Variants in MYBPC2 observed in about 807,000 individuals in gnomAD.
MYBPC2 encodes myosin-binding protein C, fast-type.
MYBPC2 carries 122 observed loss-of-function variants against 137.0 expected under a neutral mutation model. That is an observed-to-expected ratio of 0.89 (90% CI 0.77 to 1.03). The LOEUF (loss-of-function observed/expected upper bound fraction) is 1.03, where lower values mean the gene tolerates loss of function less well. Ranked by LOEUF, MYBPC2 falls within the 50% of genes least tolerant of loss-of-function variation. The probability of loss-of-function intolerance (pLI) is 0.00; values close to 1 mark genes in which losing one functional copy is unlikely to be tolerated. For synonymous variants in MYBPC2, 626 were observed against 612.3 expected (o/e 1.02, Z -0.33); for missense variants, 1,500 against 1,534.4 (o/e 0.98, Z 0.37).
intron 24 of MYBPC2, among the ~76,000 whole-genome samples, chr19:50,460,408 C>A (rs537905930): frequency 1.1e-4 from 16 of 152,118 alleles, no homozygotes; most frequent in Non-Finnish European, 2.2e-4. Context: ...CGTTTTAAAG[C>A]GAACAATTCA....
rs541836637 is a variant in MYBPC2 at position 50,440,461 on chromosome 19, C to T, written c.573-419C>T. ...GGTGGATCACTTAAGGTCAGGAATT[C>T]GAGACCAGCCTGTCCAACATGGCAA... On this transcript the variant is annotated intron_variant, in intron 7 of 27. Transcript: ENST00000357701. Among the ~76,000 whole-genome samples the T allele has an allele frequency of 1.8e-3, 277 of 151,770 alleles. 1 individual carries two copies. Among genetic ancestry groups the T allele is most frequent in the African/African-American group, 6.4e-3 (267 of 41,430 alleles).
At chr19:50,446,116 G>A (rs1180267358) in intron 12 of MYBPC2, 64 bp downstream of exon 12, 3 of 1,532,266 alleles carry the variant, frequency 2.0e-6, no homozygotes, top group South Asian at 1.2e-5. Flanking sequence ...GCTTGAGGTT[G>A]CTCAGGCCCC....
In MYBPC2 at chr19:50,455,571, C is replaced by T; in HGVS notation, c.2265C>T (p.Leu755=). 7 of 1,614,006 alleles carry T rather than the reference C, an allele frequency of 4.3e-6. No homozygotes were observed. The highest frequency in any genetic ancestry group is 5.9e-6 in the Non-Finnish European group (7 of 1,179,892). The change falls in exon 20 of 28, where the codon CTC becomes CTT. Residue 755 remains leucine (L), a synonymous_variant. Transcript: ENST00000357701. ...VEDVTDTTTT[L]KWRPPNRIGA... is the part of the protein sequence containing the mutation. Reference sequence around the variant, plus strand: ...ATGTGACAGACACCACCACCACACTCAAGTGGAGGCCTCCGAACAGGATCG... The same window carrying T: ...ATGTGACAGACACCACCACCACACTTAAGTGGAGGCCTCCGAACAGGATCG...
chr19:50,462,240 G>A (rs1365442970), intron 26 of MYBPC2, among the ~76,000 whole-genome samples: 2 of 151,150 alleles, frequency 1.3e-5, no homozygotes, highest in African/African-American at 4.9e-5. Flanking sequence ...AGGCTGGAGT[G>A]CAGTGGCACG....
Position 50,458,697 on chromosome 19 carries a change from G to A in MYBPC2, c.2449G>A (p.Ala817Thr). Reference sequence around the variant, plus strand: ...CTTCCGAGTAGTTGGGGTCAACATCGCGGGGCGCAGCGAGCCGGCCACCCT... The same window carrying A: ...CTTCCGAGTAGTTGGGGTCAACATCACGGGGCGCAGCGAGCCGGCCACCCT... ...ILFRVVGVNI[A>T]GRSEPATLAQ... The change falls in exon 21 of 28, where the codon GCG becomes ACG. Residue 817 changes from alanine (A) to threonine (T), a missense_variant. Coordinates refer to ENST00000357701, the MANE Select transcript of MYBPC2 (RefSeq NM_004533.4). 3.1e-6 allele frequency: 5 copies of A among 1,610,730 alleles called. No homozygotes were observed. Among genetic ancestry groups the A allele is most frequent in the Non-Finnish European group, 4.2e-6 (5 of 1,179,864 alleles).
intron 13 of MYBPC2, 103 bp from the exon 14 acceptor site, chr19:50,450,726 A>G: frequency 1.3e-6 from 1 of 745,260 alleles, no homozygotes; most frequent in Non-Finnish European, 2.2e-6. Flanking sequence ...ATAAGAATGC[A>G]GGCATGTGGA....
intron 16 of MYBPC2, among the ~76,000 whole-genome samples, chr19:50,452,544 C>CTATCTATCTATG (rs2039871466): frequency 1.4e-5 from 2 of 146,508 alleles, no homozygotes; most frequent in African/African-American, 2.5e-5. Context: ...ATCTATGTAT[C>CTATCTATCTATG]TATCTATCTA....
chr19:50,448,373 C>T lies in MYBPC2; in HGVS notation c.1455C>T (p.Thr485=). Residue 485 remains threonine (T), a synonymous_variant, in exon 13 of 28, where the codon ACC becomes ACT. Coordinates refer to ENST00000357701, the MANE Select transcript of MYBPC2 (RefSeq NM_004533.4). ...GVEVRPSKRI[T]ISHVGRFHKL... ...AGGTGCGGCCCAGCAAGAGGATCAC[C>T]ATTTCCCATGTAGGCAGGTGAGGAG... is the stretch of plus-strand genomic sequence containing the variant. The T allele has an allele frequency of 6.2e-7, 1 of 1,613,548 alleles. No homozygotes were observed. The highest frequency in any genetic ancestry group is 1.1e-5 in the South Asian group (1 of 91,048).
At chr19:50,444,188 A>G in intron 11 of MYBPC2, among the ~76,000 whole-genome samples, 1 of 144,932 alleles carries the variant, frequency 6.9e-6, no homozygotes, top group South Asian at 2.2e-4. Flanking sequence ...CCATCTGCTT[A>G]ACCATCCATC....
rs1435188481 is a variant in MYBPC2 at position 50,435,550 on chromosome 19, T to G, written c.110-226T>G. On this transcript the variant is annotated intron_variant, in intron 2 of 27. Coordinates refer to ENST00000357701, the MANE Select transcript of MYBPC2 (RefSeq NM_004533.4). The surrounding 1 kb of genome is among the most constrained non-coding windows in gnomAD (Gnocchi z 4.8). ...CATTCAGTGCCCTCCAGTCCACAGATGAGGAAACCGAGGCCCAAAGGGGTG... is the reference window on the plus strand; with the variant it reads ...CATTCAGTGCCCTCCAGTCCACAGAGGAGGAAACCGAGGCCCAAAGGGGTG... 6.6e-6 allele frequency among the ~76,000 whole-genome samples: 1 copy of G among 152,126 alleles called. No individual in the cohort carries two copies. The highest frequency in any genetic ancestry group is 1.5e-5 in the Non-Finnish European group (1 of 68,014).
At chr19:50,434,357 G>GA (rs1396567862) in intron 1 of MYBPC2, among the ~76,000 whole-genome samples, 1 of 152,130 alleles carries the variant, frequency 6.6e-6, no homozygotes, top group Non-Finnish European at 1.5e-5. Flanking sequence ...ACCCTGCTGG[G>GA]AAAAAACAGA....
At chr19:50,464,804 A>G (rs2040000521) in intron 27 of MYBPC2, among the ~76,000 whole-genome samples, 1 of 152,120 alleles carries the variant, frequency 6.6e-6, no homozygotes. Context: ...AGGGCTTAGG[A>G]AACGTCCCCA....
rs2039887212 is a variant in MYBPC2 at position 50,454,255 on chromosome 19, C to A, written c.1910-10C>A. ...CTCGAGGGGCCACCTGACTCTCCTG[C>A]CCCCTGCAGATGTCCCAGACCCCCC... On this transcript the variant is annotated splice_polypyrimidine_tract_variant and intron_variant, in intron 17 of 27. Coordinates refer to ENST00000357701, the MANE Select transcript of MYBPC2 (RefSeq NM_004533.4). The A allele has an allele frequency of 6.2e-7, 1 of 1,613,640 alleles. No homozygotes were observed. Among genetic ancestry groups the A allele is most frequent in the Admixed American group, 1.7e-5 (1 of 59,970 alleles).
At chr19:50,433,289 G>A (rs61594069) in intron 1 of MYBPC2, among the ~76,000 whole-genome samples, 1,762 of 151,604 alleles carry the variant, frequency 0.012, 35 homozygotes, top group African/African-American at 0.04. Flanking sequence ...TAAGTGATTG[G>A]GGGGGCATCT....
intron 13 of MYBPC2, 77 bp downstream of exon 13, chr19:50,448,467 C>T: frequency 2.0e-6 from 3 of 1,519,736 alleles, no homozygotes; most frequent in South Asian, 1.3e-5. Flanking sequence ...CAAGCTGTCC[C>T]CCATTTATTT....
At chr19:50,464,130 G>C (rs888114825) in intron 26 of MYBPC2, 1 of 486,134 alleles carries the variant, frequency 2.1e-6, no homozygotes, top group Non-Finnish European at 3.7e-6. Context: ...TGTCCTGAGA[G>C]CAATGGGAAG....
chr19:50,458,989 C>T lies in MYBPC2; in HGVS notation c.2578C>T (p.Leu860Phe), dbSNP rs764165519. Residue 860 changes from leucine to phenylalanine, a missense_variant, in exon 22 of 28, where the codon CTT (leucine) becomes TTT (phenylalanine). By Grantham distance (22) the Leu-to-Phe change is conservative (BLOSUM62 0). Transcript: ENST00000357701. ...YIRKVGEQLNLVVPFQGKPRP... is the reference protein window; with the variant it reads ...YIRKVGEQLNFVVPFQGKPRP... ...CCGCAAAGTGGGCGAGCAGCTCAAC[C>T]TTGTCGTCCCCTTCCAGGTCAGGGG... 19 of 1,611,968 alleles carry T rather than the reference C, an allele frequency of 1.2e-5. No homozygotes were observed. The Admixed American group carries it at 3.2e-4, about 27-fold the overall frequency.
rs544849698 is a variant in MYBPC2, at chr19:50,456,359, T to C, written c.2338+715T>C. Among the ~76,000 whole-genome samples the C allele has an allele frequency of 4.7e-5, 6 of 128,226 alleles. No homozygotes were observed. The East Asian group carries it at 1.3e-3, about 28-fold the overall frequency. The allele number at this position is 128,226 out of a possible 152,430, so 84.1% of individuals were successfully genotyped here. A position where few individuals can be genotyped will look rare whatever the true frequency, so the allele number is the denominator to read the frequency against. On this transcript the variant is annotated intron_variant, in intron 20 of 27. Transcript: ENST00000357701. ...GTCTGTCCATCCATCTGTCCATCCA[T>C]CCATCTGTCCATCCATCTATCCATC...
At position 50,455,219 on chromosome 19, in the gene MYBPC2, A is replaced by G. The variant is rs2039898314; in HGVS notation, c.2126A>G (p.Tyr709Cys). Residue 709 changes from tyrosine to cysteine, a missense_variant, in exon 19 of 28, where the codon TAT becomes TGT. Tyr to Cys is a radical substitution (Grantham distance 194). Coordinates refer to ENST00000357701, the MANE Select transcript of MYBPC2 (RefSeq NM_004533.4). ...ESTKMIEGIL[Y>C]EMRVFAVNAI... Reference sequence around the variant, plus strand: ...ACCAAGATGATCGAGGGCATCCTCTATGAGATGCGTGTCTTCGCCGTCAAT... The same window carrying G: ...ACCAAGATGATCGAGGGCATCCTCTGTGAGATGCGTGTCTTCGCCGTCAAT... 3.7e-6 allele frequency: 6 copies of G among 1,613,868 alleles called. No individual in the cohort carries two copies. The highest frequency in any genetic ancestry group is 5.1e-6 in the Non-Finnish European group (6 of 1,179,840).
Sources: allele counts gnomAD v4.1 joint callset (sites outside exome capture counted in the v4.1 genomes callset), GRCh38; gene constraint gnomAD v4.1.1; non-coding constraint Gnocchi (gnomAD v3.1); transcripts MANE v1.5; gene names NCBI Gene and HGNC (gene_info 2026-07-23, HGNC 2026-07-21).